The following MAD1L1 variants were observed in gnomAD, a reference collection of about 807,000 sequenced individuals.
The protein encoded by MAD1L1 is mitotic spindle assembly checkpoint protein MAD1.
MAD1L1 carries 95 observed loss-of-function variants against 96.9 expected under a neutral mutation model. That is an observed-to-expected ratio of 0.98 (90% CI 0.83 to 1.16). MAD1L1 has a LOEUF of 1.16. MAD1L1 is among the 50% of genes most tolerant of loss of function. The probability of loss-of-function intolerance (pLI) is 0.00; values close to 1 mark genes in which losing one functional copy is unlikely to be tolerated. For synonymous variants in MAD1L1, 473 were observed against 396.6 expected, an observed-to-expected ratio of 1.19 and a Z score of -2.29; for missense variants, 1,007 against 954.4, an observed-to-expected ratio of 1.06 and a Z score of -0.73.
intron 18 of MAD1L1, among the ~76,000 whole-genome samples, chr7:1,832,633 C>CCG (rs1554266509): frequency 5.0e-4 from 1 of 2,012 alleles, no homozygotes; most frequent in Admixed American, 0.01. Flanking sequence ...TTTTTTTTGG[C>CCG]GGGGGGGGGG....
intron 18 of MAD1L1, among the ~76,000 whole-genome samples, chr7:1,873,805 G>C: frequency 6.6e-6 from 1 of 152,174 alleles, no homozygotes; most frequent in Non-Finnish European, 1.5e-5. Context: ...CGTGTGTTTG[G>C]GGAGCAGGCA....
intron 18 of MAD1L1, among the ~76,000 whole-genome samples, chr7:1,844,924 G>C (rs1783507299): frequency 6.6e-6 from 1 of 152,258 alleles, no homozygotes; most frequent in Non-Finnish European, 1.5e-5. Flanking sequence ...TATGCTGCTG[G>C]TCAGTGAGTG....
At chr7:2,042,762 C>G (rs1332879184) in intron 12 of MAD1L1, among the ~76,000 whole-genome samples, 3 of 152,190 alleles carry the variant, frequency 2.0e-5, no homozygotes, top group African/African-American at 4.8e-5. Flanking sequence ...GGTACCTCAG[C>G]AGAAGCAGAT....
At chr7:2,189,189 G>C (rs1584508975) in intron 10 of MAD1L1, among the ~76,000 whole-genome samples, 1 of 152,188 alleles carries the variant, frequency 6.6e-6, no homozygotes, top group South Asian at 2.1e-4. Context: ...TGGTGATGAT[G>C]TGGAGAAACT....
At chr7:1,881,803 G>T (rs1329353646) in intron 18 of MAD1L1, among the ~76,000 whole-genome samples, 1 of 152,202 alleles carries the variant, frequency 6.6e-6, no homozygotes, top group Non-Finnish European at 1.5e-5. Context: ...GAGGCCCATG[G>T]TGCCCCCTCA....
At chr7:2,216,344 G>A in intron 7 of MAD1L1, 57 bp from the exon 8 acceptor site, 3 of 1,568,146 alleles carry the variant, frequency 1.9e-6, no homozygotes, top group Non-Finnish European at 2.6e-6. Context: ...GAGACCTGGA[G>A]AAAATCACAC....
chr7:2,177,527 G>A (rs772348570), intron 10 of MAD1L1, among the ~76,000 whole-genome samples: 1 of 152,068 alleles, frequency 6.6e-6, no homozygotes, highest in East Asian at 1.9e-4. Context: ...TTTGAAACAG[G>A]CTGAATTATT....
intron 16 of MAD1L1, among the ~76,000 whole-genome samples, chr7:1,956,187 C>T (rs1779720686): frequency 6.6e-6 from 1 of 152,172 alleles, no homozygotes; most frequent in Non-Finnish European, 1.5e-5. Context: ...GCAGCCTGAG[C>T]CACCACAGGG....
At chr7:2,082,504 C>T (rs1343741033) in intron 11 of MAD1L1, among the ~76,000 whole-genome samples, 5 of 152,294 alleles carry the variant, frequency 3.3e-5, no homozygotes, top group South Asian at 4.1e-4. Flanking sequence ...GAATCAGAGC[C>T]GTGAGGCATG....
intron 14 of MAD1L1, among the ~76,000 whole-genome samples, chr7:1,983,152 GCGCACACACACACACACA>G (rs1270076271): frequency 0.029 from 858 of 29,912 alleles, 14 homozygotes; most frequent in African/African-American, 0.061. Flanking sequence ...GCGCGCGCGC[GCGCACACACACACACACA>G]CACACACACA....
intron 11 of MAD1L1, among the ~76,000 whole-genome samples, chr7:2,137,077 T>C (rs1448490088): frequency 6.6e-6 from 1 of 152,140 alleles, no homozygotes; most frequent in African/African-American, 2.4e-5. Flanking sequence ...TGCTCTAGGC[T>C]CCGCTGTGGG....
chr7:2,124,909 G>A (rs563834911), intron 11 of MAD1L1, among the ~76,000 whole-genome samples: 132 of 152,332 alleles, frequency 8.7e-4, no homozygotes, highest in Middle Eastern at 6.8e-3. Context: ...TGAGAAGGGT[G>A]CAGGAGCTGC....
chr7:2,109,056 C>T (rs1026802494), intron 11 of MAD1L1, among the ~76,000 whole-genome samples: 4 of 152,258 alleles, frequency 2.6e-5, no homozygotes, highest in African/African-American at 2.4e-5. Context: ...TCCCCGCACC[C>T]GCTCTGCAGC....
At chr7:2,209,472 C>G (rs3800934) in intron 10 of MAD1L1, among the ~76,000 whole-genome samples, 2 of 152,176 alleles carry the variant, frequency 1.3e-5, no homozygotes, top group African/African-American at 4.8e-5. Flanking sequence ...ACAAGGCAGG[C>G]ATGGGACAGC....
rs1235376450 is a variant in MAD1L1, at chr7:1,977,963, G to A, written c.1505+2490C>T. Among the ~76,000 whole-genome samples the A allele has an allele frequency of 2.6e-5, 4 of 152,374 alleles. No homozygotes were observed. In the South Asian group the frequency reaches 6.2e-4, roughly 24 times the overall value. On this transcript the variant is annotated intron_variant, in intron 15 of 18. Coordinates refer to ENST00000265854, the MANE Select transcript of MAD1L1 (RefSeq NM_001013836.2). ...CCCACGTGGCTCCTGGGGACTGGAG[G>A]ACAACGGTGGAGACCACCCTGCCTC...
At chr7:1,993,002 T>C (rs1255654177) in intron 14 of MAD1L1, among the ~76,000 whole-genome samples, 1 of 152,244 alleles carries the variant, frequency 6.6e-6, no homozygotes, top group Non-Finnish European at 1.5e-5. Context: ...GAGGGTACTA[T>C]ATTTCCCCTA....
intron 18 of MAD1L1, among the ~76,000 whole-genome samples, chr7:1,843,590 A>G (rs1190551897): frequency 5.9e-5 from 9 of 152,196 alleles, no homozygotes. Context: ...TTAAGATGCA[A>G]TTAAAACGTC....
At chr7:2,090,680 C>A (rs1468111637) in intron 11 of MAD1L1, among the ~76,000 whole-genome samples, 1 of 152,220 alleles carries the variant, frequency 6.6e-6, no homozygotes, top group African/African-American at 2.4e-5. Context: ...AGGCAGGCCC[C>A]CCGCAGGGTC....
At chr7:2,048,940 G>A (rs1476520312) in intron 12 of MAD1L1, among the ~76,000 whole-genome samples, 1 of 152,190 alleles carries the variant, frequency 6.6e-6, no homozygotes, top group African/African-American at 2.4e-5. Flanking sequence ...TTTCATCAGG[G>A]TCCCATCTTA....
Sources: gnomAD v4.1 joint callset for allele counts (sites outside exome capture counted in the v4.1 genomes callset) on GRCh38, gnomAD v4.1.1 for gene constraint, MANE v1.5 for transcripts, NCBI Gene and HGNC (gene_info 2026-07-23, HGNC 2026-07-21) for gene names.